The following FNDC1 variants were observed in gnomAD, a reference collection of about 807,000 sequenced individuals.
FNDC1 encodes the protein fibronectin type III domain containing 1.
A neutral mutation model predicts 168.0 loss-of-function variants in FNDC1; 96 were observed. The ratio of observed to expected loss-of-function variants is 0.57; its 90% CI spans 0.48 to 0.68. The LOEUF is 0.68. Among genes scored for constraint, FNDC1 ranks in the 30% least tolerant of loss-of-function variants. FNDC1 has a pLI of 0.00. For synonymous variants in FNDC1, 1,099 were observed against 1,025.9 expected (o/e 1.07, Z -1.36); for missense variants, 2,587 against 2,482.1 (o/e 1.04, Z -0.90).
chr6:159,246,897 C>T lies in FNDC1; in HGVS notation c.4622-4C>T. 2.5e-6 allele frequency: 4 copies of T among 1,608,682 alleles called. No individual in the cohort carries two copies. The South Asian group carries it at 3.3e-5, about 13-fold the overall frequency. ...TGACTGGTCCTTTTCTCTGTCCTCA[C>T]TAGATGAGTTCTCAGGCTTGGAGAC... On this transcript the variant is annotated splice_polypyrimidine_tract_variant and splice_region_variant and intron_variant, in intron 14 of 22. Transcript: ENST00000297267.
intron 5 of FNDC1, among the ~76,000 whole-genome samples, chr6:159,220,506 T>G (rs1157218321): frequency 6.6e-6 from 1 of 152,176 alleles, no homozygotes; most frequent in Admixed American, 6.5e-5. Flanking sequence ...GCATTAGCAA[T>G]TTTGGATTCA....
At chr6:159,181,125 A>G (rs1781868596) in intron 1 of FNDC1, among the ~76,000 whole-genome samples, 1 of 152,178 alleles carries the variant, frequency 6.6e-6, no homozygotes, top group Non-Finnish European at 1.5e-5. Context: ...CTATTTCTCC[A>G]TAACCTCGAC....
intron 1 of FNDC1, among the ~76,000 whole-genome samples, chr6:159,188,338 C>T (rs184518952): frequency 2.0e-5 from 3 of 150,182 alleles, no homozygotes; most frequent in South Asian, 2.1e-4. Flanking sequence ...GAATGGCAGT[C>T]GTACCAGGTG....
At position 159,254,707 on chromosome 6, in the gene FNDC1, C is replaced by CA. The variant is rs61644137; in HGVS notation, c.5066-1793dup. Among the ~76,000 whole-genome samples, 138 of 92,582 alleles carry CA rather than the reference C, an allele frequency of 1.5e-3. 1 individual carries two copies. Among genetic ancestry groups the CA allele is most frequent in the African/African-American group, 3.0e-3 (71 of 23,626 alleles). 60.7% of individuals were successfully genotyped at this position (92,582 alleles called of 152,430 possible). A position where few individuals can be genotyped will look rare whatever the true frequency, so the allele number is the denominator to read the frequency against. ...TGGGCAACAGAGCAAGACTTCGTCT[C>CA]AAAAAAAAAAAAAAAAAAAAAAATC... On this transcript the variant is annotated intron_variant, in intron 17 of 22. Coordinates refer to ENST00000297267, the MANE Select transcript of FNDC1 (RefSeq NM_032532.3).
chr6:159,205,812 A>G (rs2114956128), intron 4 of FNDC1, among the ~76,000 whole-genome samples: 1 of 152,096 alleles, frequency 6.6e-6, no homozygotes, highest in East Asian at 1.9e-4. Flanking sequence ...CTGTTTTCCT[A>G]TTTTTTTTAC....
chr6:159,256,630 A>T lies in FNDC1; in HGVS notation c.5173A>T (p.Arg1725Trp). The change falls in exon 18 of 23, where the codon AGG becomes TGG. Residue 1725 changes from arginine (R) to tryptophan (W), a missense_variant and splice_region_variant. Transcript: ENST00000297267. ...LPIENLKPNT[R>W]YYFKVQAQNP... Reference sequence around the variant, plus strand: ...CATTGAGAACCTAAAGCCCAACACGAGGTACGATGTGTCAGTCATTTAGAA... The same window carrying T: ...CATTGAGAACCTAAAGCCCAACACGTGGTACGATGTGTCAGTCATTTAGAA... 6.2e-7 allele frequency: 1 copy of T among 1,600,556 alleles called. No homozygotes were observed. The highest frequency in any genetic ancestry group is 8.6e-7 in the Non-Finnish European group (1 of 1,167,892).
intron 1 of FNDC1, among the ~76,000 whole-genome samples, chr6:159,189,484 A>C (rs1374396234): frequency 6.6e-6 from 1 of 152,208 alleles, no homozygotes. Context: ...TCCACAATAC[A>C]GTGTGGATTG....
At chr6:159,215,592 A>G (rs376524930) in intron 5 of FNDC1, among the ~76,000 whole-genome samples, 6 of 152,388 alleles carry the variant, frequency 3.9e-5, no homozygotes, top group Middle Eastern at 3.4e-3. Context: ...CTAGAGGGAC[A>G]GAACTAATGG....
chr6:159,171,112 T>C (rs1381171525), intron 1 of FNDC1, among the ~76,000 whole-genome samples: 1 of 148,188 alleles, frequency 6.7e-6, no homozygotes, highest in African/African-American at 2.5e-5. Context: ...CGGGGTTGTT[T>C]GTGAGAGCTC....
chr6:159,182,738 C>T (rs1260789966), intron 1 of FNDC1, among the ~76,000 whole-genome samples: 1 of 152,130 alleles, frequency 6.6e-6, no homozygotes, highest in Non-Finnish European at 1.5e-5. Flanking sequence ...ATAGCATATT[C>T]AAAGATGTTT....
intron 15 of FNDC1, among the ~76,000 whole-genome samples, chr6:159,248,420 C>T (rs992736906): frequency 9.2e-5 from 14 of 152,036 alleles, no homozygotes; most frequent in Non-Finnish European, 2.1e-4. Context: ...ATTCTTTTGC[C>T]TCAGCCTCCT....
Position 159,200,406 on chromosome 6 carries a change from T to C in FNDC1, c.392-107T>C, listed in dbSNP as rs965949924. The C allele has an allele frequency of 1.7e-5, 15 of 876,574 alleles. No individual in the cohort carries two copies. In the African/African-American group the frequency reaches 2.5e-4, roughly 15 times the overall value. 54.3% of individuals were successfully genotyped at this position (876,574 alleles called of 1,614,324 possible). On this transcript the variant is annotated intron_variant, in intron 3 of 22. Transcript: ENST00000297267. ...CTAATATGGGCTGAGCAGATCCTTT[T>C]GAAGATGGTTGAAAAGATCATTTAA...
chr6:159,180,449 T>C (rs1781855811), intron 1 of FNDC1, among the ~76,000 whole-genome samples: 1 of 152,158 alleles, frequency 6.6e-6, no homozygotes, highest in Admixed American at 6.5e-5. Flanking sequence ...ACCAACATGA[T>C]TCCTTTTCTT....
intron 14 of FNDC1, among the ~76,000 whole-genome samples, chr6:159,242,343 A>G (rs922056572): frequency 1.3e-5 from 2 of 152,180 alleles, no homozygotes; most frequent in African/African-American, 4.8e-5. Context: ...AGGGTCAGGT[A>G]GGGGAAGAGA....
At chr6:159,241,072 A>G (rs1364377129) in intron 14 of FNDC1, 1 of 152,190 alleles carries the variant, frequency 6.6e-6, no homozygotes, top group African/African-American at 2.4e-5. Flanking sequence ...TGACACATCT[A>G]AAAAATTCAC....
intron 1 of FNDC1, among the ~76,000 whole-genome samples, chr6:159,194,703 A>T (rs914435082): frequency 6.6e-6 from 1 of 152,194 alleles, no homozygotes; most frequent in African/African-American, 2.4e-5. Flanking sequence ...AACCCCAAGG[A>T]TAAGTTTTCA....
At chr6:159,189,491 A>T (rs1782082860) in intron 1 of FNDC1, among the ~76,000 whole-genome samples, 1 of 152,298 alleles carries the variant, frequency 6.6e-6, no homozygotes, top group East Asian at 1.9e-4. Flanking sequence ...TACAGTGTGG[A>T]TTGGCTTCCT....
intron 7 of FNDC1, 51 bp from the exon 8 acceptor site, chr6:159,225,484 T>C (rs894121189): frequency 6.9e-7 from 1 of 1,441,664 alleles, no homozygotes; most frequent in Non-Finnish European, 9.4e-7. Context: ...AGGCATCTAG[T>C]GTTGAGTGGC....
intron 13 of FNDC1, among the ~76,000 whole-genome samples, chr6:159,239,055 C>T (rs1783333508): frequency 1.3e-5 from 2 of 152,206 alleles, no homozygotes; most frequent in African/African-American, 4.8e-5. Flanking sequence ...ACGTGAAATG[C>T]ACATTTCAGT....
Sources: gnomAD v4.1 joint callset for allele counts (sites outside exome capture counted in the v4.1 genomes callset) on GRCh38, gnomAD v4.1.1 for gene constraint, MANE v1.5 for transcripts, NCBI Gene and HGNC (gene_info 2026-07-23, HGNC 2026-07-21) for gene names.